APBA1: variants seen among roughly 807,000 people sequenced by gnomAD.
The protein encoded by APBA1 is amyloid-beta A4 precursor protein-binding family A member 1.
Under a neutral mutation model 86.6 loss-of-function variants are expected in APBA1, and 55 were observed. That is an observed-to-expected ratio of 0.64 (90% confidence interval 0.51 to 0.80). The LOEUF (loss-of-function observed/expected upper bound fraction) is 0.80, where lower values mean the gene tolerates loss of function less well. APBA1 is among the 30% of genes least tolerant of loss of function. The probability of loss-of-function intolerance (pLI) is 0.00; values close to 1 mark genes in which losing one functional copy is unlikely to be tolerated. For missense variants in APBA1, 1,090 were observed against 1,183.0 expected, an observed-to-expected ratio of 0.92 and a Z score of 1.15; for synonymous variants, 511 against 493.9, an observed-to-expected ratio of 1.03 and a Z score of -0.46.
At chr9:69,672,555 C>CGCGGCG (rs1156962478), upstream of APBA1, among the ~76,000 whole-genome samples, 16 of 147,522 alleles carry the variant, frequency 1.1e-4, no homozygotes, top group African/African-American at 7.3e-5. Flanking sequence ...CCCGCGAGCC[C>CGCGGCG]GCGGCGGCGG....
chr9:69,450,823 CA>C (rs925796696), intron 9 of APBA1, among the ~76,000 whole-genome samples: 81 of 140,748 alleles, frequency 5.8e-4, no homozygotes, highest in South Asian at 6.7e-4. Flanking sequence ...TCATGGGTAT[CA>C]AAAAAAAAAA....
At chr9:69,496,020 A>G (rs1435486435) in intron 2 of APBA1, among the ~76,000 whole-genome samples, 1 of 152,146 alleles carries the variant, frequency 6.6e-6, no homozygotes, top group African/African-American at 2.4e-5. Context: ...ATACGGTTTG[A>G]ACCAAACCAA....
chr9:69,544,327 G>A (rs536297346), intron 1 of APBA1, among the ~76,000 whole-genome samples: 1 of 152,266 alleles, frequency 6.6e-6, no homozygotes, highest in Non-Finnish European at 1.5e-5. Flanking sequence ...CTCTTTGATG[G>A]CTGAGTTTCT....
intron 1 of APBA1, among the ~76,000 whole-genome samples, chr9:69,647,915 TG>T (rs1487061711): frequency 1.3e-5 from 2 of 152,124 alleles, no homozygotes; most frequent in African/African-American, 4.8e-5. Context: ...GGGTGGTCTG[TG>T]GGGGATAGGA....
intron 1 of APBA1, among the ~76,000 whole-genome samples, chr9:69,593,992 G>A (rs1257367361): frequency 6.6e-6 from 1 of 152,130 alleles, no homozygotes; most frequent in Non-Finnish European, 1.5e-5. Context: ...CATAACAGCA[G>A]AGGCGTTGGA....
At chr9:69,505,413 G>C (rs1835942978) in intron 2 of APBA1, among the ~76,000 whole-genome samples, 1 of 152,172 alleles carries the variant, frequency 6.6e-6, no homozygotes, top group African/African-American at 2.4e-5. Context: ...AAAAATAAGA[G>C]AACTGGAAAT....
At chr9:69,494,221 T>A (rs1157127716) in intron 2 of APBA1, 2 of 152,128 alleles carry the variant, frequency 1.3e-5, no homozygotes, top group African/African-American at 2.4e-5. Context: ...GTAATACCAA[T>A]GAAACATTTT....
chr9:69,541,053 C>A (rs529304325), intron 1 of APBA1, among the ~76,000 whole-genome samples: 2 of 152,272 alleles, frequency 1.3e-5, no homozygotes, highest in Admixed American at 1.3e-4. Context: ...TAACATTCCA[C>A]GCATGTATAT....
At chr9:69,505,568 C>T (rs7862458) in intron 2 of APBA1, among the ~76,000 whole-genome samples, 12,029 of 152,122 alleles carry the variant, frequency 0.079, 562 homozygotes, top group African/African-American at 0.1. Context: ...CAGAGATAAA[C>T]GCCATTTCAA....
intron 6 of APBA1, among the ~76,000 whole-genome samples, chr9:69,457,409 CTT>C (rs1383820068): frequency 2.0e-5 from 3 of 152,200 alleles, no homozygotes; most frequent in Non-Finnish European, 2.9e-5. Context: ...AGATTTCACT[CTT>C]TGAACGATGA....
chr9:69,593,814 C>T (rs917300884), intron 1 of APBA1, among the ~76,000 whole-genome samples: 5 of 152,028 alleles, frequency 3.3e-5, no homozygotes, highest in African/African-American at 1.2e-4. Flanking sequence ...AAAAGGAAAC[C>T]TTTTATTAGC....
chr9:69,587,751 G>A (rs767908210), intron 1 of APBA1, among the ~76,000 whole-genome samples: 15 of 152,126 alleles, frequency 9.9e-5, no homozygotes, highest in Non-Finnish European at 1.6e-4. Context: ...TTGGCCCGGC[G>A]TGGTGGCTCA....
At chr9:69,521,366 A>G (rs1329170788) in intron 1 of APBA1, among the ~76,000 whole-genome samples, 1 of 152,062 alleles carries the variant, frequency 6.6e-6, no homozygotes, top group East Asian at 1.9e-4. Flanking sequence ...GCATATTTTA[A>G]CCTATAACTT....
intron 1 of APBA1, among the ~76,000 whole-genome samples, chr9:69,649,352 C>G (rs1393209042): frequency 1.3e-5 from 2 of 152,164 alleles, no homozygotes; most frequent in Non-Finnish European, 2.9e-5. Context: ...GCCTGGAGCT[C>G]CTGCCTGACC....
At chr9:69,639,659 C>T (rs1823247337) in intron 1 of APBA1, among the ~76,000 whole-genome samples, 1 of 152,130 alleles carries the variant, frequency 6.6e-6, no homozygotes, top group South Asian at 2.1e-4. Context: ...TGGTTACCCC[C>T]TGGAGGGTGT....
At chr9:69,570,092 G>A (rs1837092170) in intron 1 of APBA1, among the ~76,000 whole-genome samples, 1 of 152,316 alleles carries the variant, frequency 6.6e-6, no homozygotes, top group Non-Finnish European at 1.5e-5. Context: ...GGTGGTGCAG[G>A]AGTCATCTGG....
chr9:69,671,445 G>A (rs1433449781), intron 1 of APBA1, among the ~76,000 whole-genome samples: 1 of 152,082 alleles, frequency 6.6e-6, no homozygotes, highest in East Asian at 1.9e-4. Flanking sequence ...AAGGGGAAGC[G>A]AGAATCCCTA....
chr9:69,623,410 G>A (rs985608876), intron 1 of APBA1, among the ~76,000 whole-genome samples: 6 of 150,922 alleles, frequency 4.0e-5, no homozygotes, highest in South Asian at 2.1e-4. Flanking sequence ...ACTTATGGAC[G>A]AGTGGTACTT....
chr9:69,440,347 C>CT (rs1412572768), intron 11 of APBA1, among the ~76,000 whole-genome samples: 1 of 152,172 alleles, frequency 6.6e-6, no homozygotes, highest in Non-Finnish European at 1.5e-5. Flanking sequence ...GAGGTTACTG[C>CT]TGCCTTTTGT....
Sources: gnomAD v4.1 joint callset for allele counts (sites outside exome capture counted in the v4.1 genomes callset) on GRCh38, gnomAD v4.1.1 for gene constraint, MANE v1.5 for transcripts, NCBI Gene and HGNC (gene_info 2026-07-23, HGNC 2026-07-21) for gene names.